Variants in CUEDC1 observed in about 807,000 individuals in gnomAD.
The protein encoded by CUEDC1 is CUE domain containing 1.
CUEDC1 carries 30 observed loss-of-function variants against 43.7 expected under a neutral mutation model. That is an observed-to-expected ratio of 0.69 (90% CI 0.51 to 0.93). The LOEUF (loss-of-function observed/expected upper bound fraction) is 0.93, where lower values mean the gene tolerates loss of function less well. CUEDC1 is among the 40% of genes least tolerant of loss of function. The pLI is 0.00. For synonymous variants in CUEDC1, 223 were observed against 223.6 expected, an observed-to-expected ratio of 1.00 and a Z score of 0.02; for missense variants, 486 against 549.0, an observed-to-expected ratio of 0.89 and a Z score of 1.15.
At chr17:57,929,336 C>T (rs1036696333) in intron 1 of CUEDC1, among the ~76,000 whole-genome samples, 1 of 152,094 alleles carries the variant, frequency 6.6e-6, no homozygotes, top group African/African-American at 2.4e-5. Flanking sequence ...AAGAACACAC[C>T]GCAAGTCAGT....
chr17:57,863,577 G>A lies in CUEDC1; in HGVS notation c.*4-292C>T, dbSNP rs370640439. 1.8e-4 allele frequency among the ~76,000 whole-genome samples: 27 copies of A among 152,242 alleles called. 1 individual carries two copies. The South Asian group carries it at 5.6e-3, about 32-fold the overall frequency. On this transcript the variant is annotated intron_variant, in intron 10 of 10. Coordinates refer to ENST00000577830, the MANE Select transcript of CUEDC1 (RefSeq NM_001271875.2). ...TGTAGGGGAGGGCTTCAACGTGGGA[G>A]GGTACCTGGCCCATTCTAATACGTC... is the stretch of plus-strand genomic sequence containing the variant.
At chr17:57,941,681 G>T (rs2074918345) in intron 1 of CUEDC1, among the ~76,000 whole-genome samples, 1 of 152,206 alleles carries the variant, frequency 6.6e-6, no homozygotes, top group Non-Finnish European at 1.5e-5. Flanking sequence ...CAAGTGAGTG[G>T]GTGTGTTACT....
intron 3 of CUEDC1, among the ~76,000 whole-genome samples, chr17:57,874,325 C>CTATT (rs2074080071): frequency 6.6e-6 from 1 of 152,212 alleles, no homozygotes; most frequent in Non-Finnish European, 1.5e-5. Flanking sequence ...AAACTGCTGC[C>CTATT]TCCCTGCCCA....
chr17:57,946,738 C>T (rs1165008155), intron 1 of CUEDC1, among the ~76,000 whole-genome samples: 2 of 152,104 alleles, frequency 1.3e-5, no homozygotes, highest in South Asian at 2.1e-4. Context: ...TTCCCTAGCT[C>T]GAGGCTCAGT....
chr17:57,868,915 A>C (rs1304410028), intron 7 of CUEDC1, among the ~76,000 whole-genome samples: 1 of 152,192 alleles, frequency 6.6e-6, no homozygotes, highest in African/African-American at 2.4e-5. Context: ...CTGGCTCAAG[A>C]GGATTTAAAA....
chr17:57,891,802 G>C (rs1181001148), intron 1 of CUEDC1, among the ~76,000 whole-genome samples: 3 of 152,162 alleles, frequency 2.0e-5, no homozygotes, highest in African/African-American at 7.2e-5. Context: ...CCATCACCTT[G>C]AGGGGGAACA....
intron 5 of CUEDC1, 76 bp downstream of exon 5, chr17:57,872,587 T>TGGCCC: frequency 6.5e-7 from 1 of 1,533,682 alleles, no homozygotes; most frequent in Admixed American, 1.9e-5. Context: ...GCTCAGTGTT[T>TGGCCC]TCCTGAGCCC....
chr17:57,870,858 T>C (rs1445181941), intron 6 of CUEDC1, among the ~76,000 whole-genome samples: 1 of 152,082 alleles, frequency 6.6e-6, no homozygotes, highest in South Asian at 2.1e-4. Context: ...TAGTACTTTT[T>C]TGGTAGAGAT....
chr17:57,876,090 C>A (rs935109057), intron 3 of CUEDC1, among the ~76,000 whole-genome samples: 8 of 152,174 alleles, frequency 5.3e-5, no homozygotes, highest in Admixed American at 4.6e-4. Flanking sequence ...GGGGCCAGGC[C>A]ATTCCCCCAC....
intron 1 of CUEDC1, among the ~76,000 whole-genome samples, chr17:57,903,812 T>C (rs927707920): frequency 6.6e-6 from 1 of 151,938 alleles, no homozygotes; most frequent in Non-Finnish European, 1.5e-5. Flanking sequence ...GGTGCACACC[T>C]GTAGTCCCGG....
chr17:57,940,516 A>G (rs896541732), intron 1 of CUEDC1, among the ~76,000 whole-genome samples: 1 of 152,156 alleles, frequency 6.6e-6, no homozygotes, highest in Non-Finnish European at 1.5e-5. Flanking sequence ...CCTATATTCC[A>G]GATGATGTGG....
At chr17:57,902,384 A>G (rs2074482341) in intron 1 of CUEDC1, among the ~76,000 whole-genome samples, 1 of 152,196 alleles carries the variant, frequency 6.6e-6, no homozygotes, top group Admixed American at 6.5e-5. Context: ...TGCTGGTGGC[A>G]AACATATGAC....
At chr17:57,891,066 C>T (rs1372053537) in intron 1 of CUEDC1, among the ~76,000 whole-genome samples, 2 of 152,210 alleles carry the variant, frequency 1.3e-5, no homozygotes, top group African/African-American at 2.4e-5. Flanking sequence ...ACTCCCTGAG[C>T]AATCTCATCC....
chr17:57,900,073 C>A (rs926165101), intron 1 of CUEDC1, among the ~76,000 whole-genome samples: 1 of 152,202 alleles, frequency 6.6e-6, no homozygotes, highest in African/African-American at 2.4e-5. Context: ...TGGTTCCCTG[C>A]AGGCCCAGCT....
chr17:57,940,105 C>T (rs1278244556), intron 1 of CUEDC1, among the ~76,000 whole-genome samples: 1 of 152,082 alleles, frequency 6.6e-6, no homozygotes, highest in African/African-American at 2.4e-5. Context: ...AGGAAAGAGG[C>T]TCTAGAGGTG....
intron 1 of CUEDC1, among the ~76,000 whole-genome samples, chr17:57,903,682 T>C (rs1015244737): frequency 1.3e-5 from 2 of 151,976 alleles, no homozygotes; most frequent in Non-Finnish European, 2.9e-5. Context: ...AAAACCTATA[T>C]AATCCCAGTG....
At chr17:57,870,530 G>C (rs997464599) in intron 6 of CUEDC1, among the ~76,000 whole-genome samples, 4 of 152,134 alleles carry the variant, frequency 2.6e-5, no homozygotes, top group African/African-American at 9.7e-5. Context: ...CCATGCATTT[G>C]CTAAAATCAG....
intron 1 of CUEDC1, among the ~76,000 whole-genome samples, chr17:57,937,109 G>T (rs1181009842): frequency 6.6e-6 from 1 of 151,592 alleles, no homozygotes; most frequent in Non-Finnish European, 1.5e-5. Context: ...GTGAGCCACC[G>T]CACCCAGCCC....
chr17:57,906,450 T>G (rs774355705), intron 1 of CUEDC1, among the ~76,000 whole-genome samples: 6 of 152,192 alleles, frequency 3.9e-5, no homozygotes, highest in Non-Finnish European at 7.3e-5. Context: ...TTCCAAGGAC[T>G]CAGGGAAGAG....
Sources: allele counts gnomAD v4.1 joint callset (sites outside exome capture counted in the v4.1 genomes callset), GRCh38; gene constraint gnomAD v4.1.1; transcripts MANE v1.5; gene names NCBI Gene and HGNC (gene_info 2026-07-23, HGNC 2026-07-21).